The following PPP1R12B variants were observed in gnomAD, a reference collection of about 807,000 sequenced individuals.
PPP1R12B encodes myosin phosphatase target subunit 2.
A neutral mutation model predicts 126.1 loss-of-function variants in PPP1R12B; 76 were observed. The observed-to-expected ratio is 0.60, with a 90% CI of 0.50 to 0.73. PPP1R12B has a LOEUF of 0.73. Ranked by LOEUF, PPP1R12B falls within the 30% of genes least tolerant of loss-of-function variation. The pLI is 0.00. For synonymous variants in PPP1R12B, 356 were observed against 434.7 expected (o/e 0.82, Z 2.25); for missense variants, 1,052 against 1,205.1 (o/e 0.87, Z 1.88).
chr1:202,523,330 G>C (rs1355622323), intron 18 of PPP1R12B, among the ~76,000 whole-genome samples: 1 of 152,150 alleles, frequency 6.6e-6, no homozygotes, highest in African/African-American at 2.4e-5. Context: ...AACTAGAAAG[G>C]AGAATTGAAT....
Position 202,587,307 on chromosome 1 carries a change from T to C in PPP1R12B, c.*6747T>C, listed in dbSNP as rs370194877. 1.9e-4 allele frequency: 29 copies of C among 152,328 alleles called. No individual in the cohort carries two copies. Among genetic ancestry groups the C allele is most frequent in the African/African-American group, 6.3e-4 (26 of 41,550 alleles). The allele number at this position is 152,328 out of a possible 1,614,324, so 9.4% of individuals were successfully genotyped here. A position where few individuals can be genotyped will look rare whatever the true frequency, so the allele number is the denominator to read the frequency against. ...GGTGCTTTAGAGAGGTGGTTTTCCA[T>C]GAATCAGCCAAGATTCCTGTAGAAG... On this transcript the variant is annotated 3_prime_UTR_variant, in exon 24 of 24. Coordinates refer to ENST00000608999, the MANE Select transcript of PPP1R12B (RefSeq NM_002481.4).
chr1:202,552,564 A>T (rs964811226), intron 18 of PPP1R12B, among the ~76,000 whole-genome samples: 4 of 152,238 alleles, frequency 2.6e-5, no homozygotes, highest in African/African-American at 9.6e-5. Context: ...TGGCTTGTTC[A>T]TCATCAGTCA....
intron 18 of PPP1R12B, among the ~76,000 whole-genome samples, chr1:202,512,337 G>A (rs1395853156): frequency 1.3e-5 from 2 of 152,198 alleles, no homozygotes; most frequent in Admixed American, 1.3e-4. Context: ...CTGATGGTAG[G>A]TGTGGAGAGA....
In PPP1R12B at chr1:202,349,019, C is replaced by G; in HGVS notation, c.168C>G (p.Phe56Leu). 6.2e-7 allele frequency: 1 copy of G among 1,611,246 alleles called. No individual in the cohort carries two copies. The highest frequency in any genetic ancestry group is 8.5e-7 in the Non-Finnish European group (1 of 1,178,954). ...GGCGCGGGAGCCCCAGGGTCCGCTT[C>G]GAGGACGGTGCTGTCTTTCTGGCCG... ...LTRRGSPRVR[F>L]EDGAVFLAAC... Residue 56 changes from phenylalanine (F) to leucine (L), a missense_variant, in exon 1 of 24, where the codon TTC becomes TTG. Phe to Leu is a conservative substitution (Grantham distance 22). Transcript: ENST00000608999.
At position 202,446,256 on chromosome 1, in the gene PPP1R12B, A is replaced by ATATATATATTT. The variant is rs376183502; in HGVS notation, c.1668-2732_1668-2731insATATATATTTT. 8.1e-4 allele frequency among the ~76,000 whole-genome samples: 44 copies of ATATATATATTT among 54,316 alleles called. 2 individuals carry two copies. Among genetic ancestry groups the ATATATATATTT allele is most frequent in the East Asian group, 2.4e-3 (3 of 1,262 alleles). The allele number at this position is 54,316 out of a possible 152,430, so 35.6% of individuals were successfully genotyped here. On this transcript the variant is annotated intron_variant, in intron 12 of 23. Coordinates refer to ENST00000608999, the MANE Select transcript of PPP1R12B (RefSeq NM_002481.4). ...TCTCTCTATATATATATATATATATATTTTTTTTTTTTTTTGAGATGGAAT... is the reference window on the plus strand; with the variant it reads ...TCTCTCTATATATATATATATATATATATATATATTTTTTTTTTTTTTTTTTGAGATGGAAT...
rs1180861578 is a variant in PPP1R12B, at chr1:202,580,814, A to C, written c.*254A>C. ...GATTGTGGTAATTCGAGCCATCTGG[A>C]GAATGCTCTGGGGAGTACACCAGGC... On this transcript the variant is annotated 3_prime_UTR_variant, in exon 24 of 24. Coordinates refer to ENST00000608999, the MANE Select transcript of PPP1R12B (RefSeq NM_002481.4). 2.3e-6 allele frequency: 1 copy of C among 432,782 alleles called. No homozygotes were observed. Among genetic ancestry groups the C allele is most frequent in the East Asian group, 4.4e-5 (1 of 22,850 alleles). 26.8% of individuals were successfully genotyped at this position (432,782 alleles called of 1,614,324 possible).
chr1:202,472,035 G>A (rs1470569481), intron 13 of PPP1R12B: 2 of 1,594,262 alleles, frequency 1.3e-6, no homozygotes, highest in Non-Finnish European at 1.7e-6. Flanking sequence ...GTAGGAATTG[G>A]GGCTCTGCAC....
At chr1:202,481,421 C>T (rs1677344890) in intron 13 of PPP1R12B, among the ~76,000 whole-genome samples, 1 of 152,106 alleles carries the variant, frequency 6.6e-6, no homozygotes, top group African/African-American at 2.4e-5. Flanking sequence ...AATATATTGA[C>T]TGCATAAACA....
chr1:202,438,878 G>A, intron 10 of PPP1R12B: 1 of 1,381,696 alleles, frequency 7.2e-7, no homozygotes, highest in South Asian at 1.2e-5. Flanking sequence ...ATAGCCCCCA[G>A]GGCAGGAGCC....
At chr1:202,412,472 C>G (rs1017898964) in intron 1 of PPP1R12B, among the ~76,000 whole-genome samples, 4 of 152,134 alleles carry the variant, frequency 2.6e-5, no homozygotes, top group African/African-American at 9.7e-5. Flanking sequence ...ATTTTAGGGC[C>G]TCTGGAATGT....
chr1:202,545,101 T>C (rs1367591248), intron 18 of PPP1R12B, among the ~76,000 whole-genome samples: 1 of 152,270 alleles, frequency 6.6e-6, no homozygotes, highest in Non-Finnish European at 1.5e-5. Flanking sequence ...CTCCACTTTA[T>C]AATCCGTTGT....
intron 10 of PPP1R12B, among the ~76,000 whole-genome samples, chr1:202,440,131 T>G (rs1423230091): frequency 1.3e-5 from 2 of 152,160 alleles, no homozygotes; most frequent in Non-Finnish European, 2.9e-5. Flanking sequence ...AAATTTTTAT[T>G]TTCTTCACTT....
intron 1 of PPP1R12B, among the ~76,000 whole-genome samples, chr1:202,400,608 C>A (rs1214266712): frequency 6.6e-6 from 1 of 152,172 alleles, no homozygotes; most frequent in Non-Finnish European, 1.5e-5. Flanking sequence ...GAAAGTGTGG[C>A]ACACTTGCAG....
At chr1:202,458,920 G>C (rs1673973342) in intron 13 of PPP1R12B, among the ~76,000 whole-genome samples, 2 of 152,200 alleles carry the variant, frequency 1.3e-5, no homozygotes, top group Admixed American at 6.5e-5. Context: ...GTAGTAGAAG[G>C]TTCTCTCTCA....
chr1:202,490,959 CT>C (rs1196403200), intron 14 of PPP1R12B, among the ~76,000 whole-genome samples: 19 of 152,254 alleles, frequency 1.2e-4, no homozygotes, highest in African/African-American at 4.6e-4. Flanking sequence ...GCTTTCAATT[CT>C]TTTGGGTACA....
intron 13 of PPP1R12B, among the ~76,000 whole-genome samples, chr1:202,453,804 TTTTTC>T (rs374415055): frequency 7.1e-4 from 108 of 152,238 alleles, no homozygotes; most frequent in African/African-American, 2.5e-3. Context: ...TGTCCTTTCT[TTTTTC>T]TTTTTTTCAT....
intron 19 of PPP1R12B, among the ~76,000 whole-genome samples, chr1:202,561,556 GAACTA>G (rs1288722382): frequency 1.3e-5 from 2 of 152,162 alleles, no homozygotes; most frequent in Non-Finnish European, 2.9e-5. Context: ...GCAAGGATAT[GAACTA>G]AACAGTTAAA....
intron 18 of PPP1R12B, among the ~76,000 whole-genome samples, chr1:202,550,596 A>G (rs893979895): frequency 1.1e-4 from 17 of 152,216 alleles, no homozygotes; most frequent in African/African-American, 4.1e-4. Context: ...AATGTATTTC[A>G]TAGTTTCAGA....
In PPP1R12B at chr1:202,495,621, G is replaced by A. The variant is rs3817221; in HGVS notation, c.2387G>A (p.Arg796Gln). 31 of 1,614,034 alleles carry A rather than the reference G, an allele frequency of 1.9e-5. No individual in the cohort carries two copies. Among genetic ancestry groups the A allele is most frequent in the Middle Eastern group, 1.6e-4 (1 of 6,084 alleles). The change falls in exon 17 of 24, where the codon CGA becomes CAA. Residue 796 changes from arginine (R) to glutamine (Q), a missense_variant. Arg to Gln is a conservative substitution (Grantham distance 43). Coordinates refer to ENST00000608999, the MANE Select transcript of PPP1R12B (RefSeq NM_002481.4). ...DEQSSKRLSI[R>Q]ERRRPKERRR... Reference sequence around the variant, plus strand: ...CAGTCCTCTAAGAGGCTGTCCATCCGAGAGAGGAGGCGGCCCAAGGAACGA... The same window carrying A: ...CAGTCCTCTAAGAGGCTGTCCATCCAAGAGAGGAGGCGGCCCAAGGAACGA...
Sources: gnomAD v4.1 joint callset for allele counts (sites outside exome capture counted in the v4.1 genomes callset) on GRCh38, gnomAD v4.1.1 for gene constraint, MANE v1.5 for transcripts, NCBI Gene and HGNC (gene_info 2026-07-23, HGNC 2026-07-21) for gene names.